Variants in CNTLN observed in about 807,000 individuals in gnomAD.
The protein encoded by CNTLN is centlein, centrosomal protein.
Under a neutral mutation model 180.0 loss-of-function variants are expected in CNTLN, and 212 were observed. That is an observed-to-expected ratio of 1.18 (90% CI 1.05 to 1.32). The LOEUF (loss-of-function observed/expected upper bound fraction) is 1.32, where lower values mean the gene tolerates loss of function less well. Among genes scored for constraint, CNTLN ranks in the 40% most tolerant of loss-of-function variants. The pLI, the probability that CNTLN is intolerant of heterozygous loss-of-function variation, is 0.00. For synonymous variants in CNTLN, 722 were observed against 563.1 expected, an observed-to-expected ratio of 1.28 and a Z score of -3.99; for missense variants, 2,095 against 1,610.9, an observed-to-expected ratio of 1.30 and a Z score of -5.14.
At chr9:17,489,225 T>G (rs918306707) in intron 25 of CNTLN, among the ~76,000 whole-genome samples, 1 of 152,052 alleles carries the variant, frequency 6.6e-6, no homozygotes, top group South Asian at 2.1e-4. Context: ...CCCACCAGCC[T>G]TTTTTTAGAG....
intron 13 of CNTLN, among the ~76,000 whole-genome samples, chr9:17,372,810 A>G (rs1425230653): frequency 6.6e-6 from 1 of 152,200 alleles, no homozygotes; most frequent in Non-Finnish European, 1.5e-5. Context: ...AAGGGTTGCA[A>G]GGATGGTTCA....
At chr9:17,271,744 A>G (rs1360481561) in intron 5 of CNTLN, among the ~76,000 whole-genome samples, 1 of 152,034 alleles carries the variant, frequency 6.6e-6, no homozygotes, top group Non-Finnish European at 1.5e-5. Context: ...AGGTCCTGTC[A>G]TTTTTACCTT....
intron 23 of CNTLN, among the ~76,000 whole-genome samples, chr9:17,470,394 A>G (rs1021961952): frequency 6.6e-6 from 1 of 151,954 alleles, no homozygotes; most frequent in African/African-American, 2.4e-5. Context: ...CATGTACACA[A>G]AAGTACTTAA....
At chr9:17,480,172 C>T (rs1265091121) in intron 23 of CNTLN, among the ~76,000 whole-genome samples, 1 of 152,018 alleles carries the variant, frequency 6.6e-6, no homozygotes, top group African/African-American at 2.4e-5. Context: ...GCCCGGGTGA[C>T]AGAGCAAGAC....
At chr9:17,450,919 T>A (rs1830743746) in intron 18 of CNTLN, among the ~76,000 whole-genome samples, 1 of 152,144 alleles carries the variant, frequency 6.6e-6, no homozygotes, top group Non-Finnish European at 1.5e-5. Context: ...AATTTAAAAG[T>A]CTTACTTTTA....
At position 17,362,606 on chromosome 9, in the gene CNTLN, A is replaced by G. The variant is rs1396146831; in HGVS notation, c.1887-4011A>G. Among the ~76,000 whole-genome samples, 3 of 152,204 alleles carry G rather than the reference A, an allele frequency of 2.0e-5. No homozygotes were observed. The East Asian group carries it at 5.8e-4, about 29-fold the overall frequency. On this transcript the variant is annotated intron_variant, in intron 12 of 25. Coordinates refer to ENST00000380647, the MANE Select transcript of CNTLN (RefSeq NM_017738.4). ...TATTGTTTGAATAATTATAACAATAATTACAACAACTTGTGTTGTTGAGTA... is the reference window on the plus strand; with the variant it reads ...TATTGTTTGAATAATTATAACAATAGTTACAACAACTTGTGTTGTTGAGTA...
In CNTLN at chr9:17,449,120, A is replaced by G. The variant is rs143198230; in HGVS notation, c.3115-8404A>G. On this transcript the variant is annotated intron_variant, in intron 18 of 25. Coordinates refer to ENST00000380647, the MANE Select transcript of CNTLN (RefSeq NM_017738.4). ...TCATAATATTACCATATAAACATTG[A>G]GAAATTATGTTGGTAGTGAGGATGA... Among the ~76,000 whole-genome samples, 4 of 152,292 alleles carry G rather than the reference A, an allele frequency of 2.6e-5. No homozygotes were observed. In the East Asian group the frequency reaches 7.7e-4, roughly 29 times the overall value.
At chr9:17,517,801 G>C in the CNTLN span, among the ~76,000 whole-genome samples, 1 of 152,086 alleles carries the variant, frequency 6.6e-6, no homozygotes, top group Non-Finnish European at 1.5e-5. Flanking sequence ...TCAGCTTGTG[G>C]TCATTGGTTA....
intron 18 of CNTLN, among the ~76,000 whole-genome samples, chr9:17,425,010 A>G (rs147772511): frequency 6.6e-6 from 1 of 152,220 alleles, no homozygotes; most frequent in African/African-American, 2.4e-5. Flanking sequence ...GGAGTTATAC[A>G]TGCTGTTTAG....
intron 6 of CNTLN, among the ~76,000 whole-genome samples, chr9:17,297,485 C>T (rs1353808137): frequency 1.3e-5 from 2 of 152,138 alleles, no homozygotes; most frequent in Admixed American, 1.3e-4. Flanking sequence ...GATTCACAAC[C>T]ACAGCAATCT....
At position 17,394,932 on chromosome 9, in the gene CNTLN, C is replaced by G. The variant is rs114129881; in HGVS notation, c.2478C>G (p.Thr826=). The G allele has an allele frequency of 6.2e-7, 1 of 1,614,006 alleles. No individual in the cohort carries two copies. The highest frequency in any genetic ancestry group is 2.2e-5 in the East Asian group (1 of 44,872). The stretch of plus-strand genomic sequence containing the variant: ...GATATGATTGTAAGACAACTATGAC[C>G]AAGGTTAAATTTAAAGCTGCGAAGA... ...SGRYDCKTTM[T]KVKFKAAKKN... The change falls in exon 15 of 26, where the codon ACC becomes ACG. Residue 826 remains threonine (T), a synonymous_variant. Coordinates refer to ENST00000380647, the MANE Select transcript of CNTLN (RefSeq NM_017738.4).
intron 25 of CNTLN, among the ~76,000 whole-genome samples, chr9:17,487,374 A>G (rs1261859971): frequency 6.6e-6 from 1 of 152,122 alleles, no homozygotes; most frequent in Non-Finnish European, 1.5e-5. Flanking sequence ...AGGAAAAGAG[A>G]TTCTTTATTA....
chr9:17,459,934 G>C (rs970553044), intron 19 of CNTLN, among the ~76,000 whole-genome samples: 1 of 151,520 alleles, frequency 6.6e-6, no homozygotes, highest in East Asian at 1.9e-4. Context: ...ATTTGTTTAG[G>C]GGAAACAGAA....
At chr9:17,436,740 C>T (rs1829801030) in intron 18 of CNTLN, among the ~76,000 whole-genome samples, 1 of 152,204 alleles carries the variant, frequency 6.6e-6, no homozygotes, top group South Asian at 2.1e-4. Context: ...AGGTATTAAA[C>T]TGTACCAGAG....
chr9:17,241,179 C>T lies in CNTLN; in HGVS notation c.849+4591C>T, dbSNP rs182788398. 5.1e-3 allele frequency among the ~76,000 whole-genome samples: 770 copies of T among 152,180 alleles called. 5 individuals carry two copies. Among genetic ancestry groups the T allele is most frequent in the Admixed American group, 8.0e-3 (122 of 15,280 alleles). ...AGCCTGCAGTGTTTTCTTTTAGTAG[C>T]TTCACAGTTTGAGGTCTGTGACTTA... On this transcript the variant is annotated intron_variant, in intron 5 of 25. Coordinates refer to ENST00000380647, the MANE Select transcript of CNTLN (RefSeq NM_017738.4).
At chr9:17,385,634 G>C (rs956169983) in intron 13 of CNTLN, among the ~76,000 whole-genome samples, 3 of 151,936 alleles carry the variant, frequency 2.0e-5, no homozygotes, top group African/African-American at 7.3e-5. Context: ...CACATCCCTG[G>C]ATTCAACCAA....
At chr9:17,152,087 T>G (rs1390984055) in intron 2 of CNTLN, among the ~76,000 whole-genome samples, 1 of 152,180 alleles carries the variant, frequency 6.6e-6, no homozygotes, top group East Asian at 1.9e-4. Flanking sequence ...GTCTATCTGT[T>G]TTGTTGATGT....
intron 6 of CNTLN, among the ~76,000 whole-genome samples, chr9:17,281,945 G>C (rs1259527610): frequency 1.3e-5 from 2 of 149,690 alleles, no homozygotes; most frequent in African/African-American, 4.9e-5. Flanking sequence ...AGCCTCGCCA[G>C]AATCTGTTGT....
chr9:17,395,858 G>A (rs1356531910), intron 15 of CNTLN, among the ~76,000 whole-genome samples: 1 of 152,184 alleles, frequency 6.6e-6, no homozygotes, highest in African/African-American at 2.4e-5. Context: ...TAGGAGCTGG[G>A]TAAAATGAGG....
Sources: allele counts gnomAD v4.1 joint callset (sites outside exome capture counted in the v4.1 genomes callset), GRCh38; gene constraint gnomAD v4.1.1; transcripts MANE v1.5; gene names NCBI Gene and HGNC (gene_info 2026-07-23, HGNC 2026-07-21).